Variants in NPSR1 observed in about 807,000 individuals in gnomAD.
NPSR1 encodes neuropeptide S receptor.
Under a neutral mutation model 46.9 loss-of-function variants are expected in NPSR1, and 48 were observed. The observed-to-expected ratio is 1.02, with a 90% CI of 0.81 to 1.30. The LOEUF is 1.30. Ranked by LOEUF, NPSR1 falls within the 50% of genes most tolerant of loss-of-function variation. The pLI, the probability that NPSR1 is intolerant of heterozygous loss-of-function variation, is 0.00. For synonymous variants in NPSR1, 176 were observed against 168.1 expected, an observed-to-expected ratio of 1.05 and a Z score of -0.36; for missense variants, 450 against 449.5, an observed-to-expected ratio of 1.00 and a Z score of -0.01.
chr7:34,823,332 C>T (rs987726296), intron 4 of NPSR1, among the ~76,000 whole-genome samples: 5 of 138,526 alleles, frequency 3.6e-5, no homozygotes, highest in East Asian at 2.4e-4. Context: ...GCGGAGGTTG[C>T]GGTGAGTGGA....
intron 2 of NPSR1, among the ~76,000 whole-genome samples, chr7:34,695,520 C>T (rs946585316): frequency 1.3e-5 from 2 of 151,582 alleles, no homozygotes; most frequent in Non-Finnish European, 2.9e-5. Context: ...AAATAGACAG[C>T]CTATTTGGAG....
downstream of NPSR1, among the ~76,000 whole-genome samples, chr7:34,851,235 T>A (rs1459152967): frequency 4.0e-5 from 6 of 151,550 alleles, no homozygotes; most frequent in African/African-American, 1.5e-4. Context: ...AATTGTTCAG[T>A]ATATTTTAAT....
At chr7:34,723,466 C>A (rs1783969504) in intron 2 of NPSR1, 1 of 152,196 alleles carries the variant, frequency 6.6e-6, no homozygotes, top group South Asian at 2.1e-4. Flanking sequence ...AGAATTTGAA[C>A]AAAGCATCCT....
Position 34,804,252 on chromosome 7 carries a change from A to C in NPSR1, c.385-7518A>C, listed in dbSNP as rs189239221. ...ATATCCCTCATGAACATAAATGCAA[A>C]AATTCTCAATAAATATTAGCAACTT... On this transcript the variant is annotated intron_variant, in intron 3 of 8. Transcript: ENST00000360581. Among the ~76,000 whole-genome samples the C allele has an allele frequency of 3.3e-5, 5 of 152,238 alleles. No individual in the cohort carries two copies. The East Asian group carries it at 9.6e-4, about 29-fold the overall frequency.
At chr7:34,808,800 G>A (rs1275319800) in intron 3 of NPSR1, among the ~76,000 whole-genome samples, 2 of 152,094 alleles carry the variant, frequency 1.3e-5, no homozygotes, top group East Asian at 3.9e-4. Context: ...TTGTTATAGT[G>A]TTTTCTGGCA....
chr7:34,760,047 T>A (rs180677414), intron 2 of NPSR1, among the ~76,000 whole-genome samples: 3 of 152,372 alleles, frequency 2.0e-5, no homozygotes, highest in Admixed American at 2.0e-4. Context: ...AGTGAGAATC[T>A]AATATATTAG....
chr7:34,720,591 G>A (rs1328730985), intron 2 of NPSR1, among the ~76,000 whole-genome samples: 1 of 152,084 alleles, frequency 6.6e-6, no homozygotes, highest in Non-Finnish European at 1.5e-5. Context: ...GTGATGTGTG[G>A]GGTTTGGTGT....
intron 2 of NPSR1, among the ~76,000 whole-genome samples, chr7:34,695,620 A>T (rs1160357889): frequency 6.6e-6 from 1 of 152,026 alleles, no homozygotes. Flanking sequence ...AGAACAAACA[A>T]CCCCATTAAA....
chr7:34,702,810 G>C (rs774192528), intron 2 of NPSR1, among the ~76,000 whole-genome samples: 23 of 152,174 alleles, frequency 1.5e-4, no homozygotes, highest in Non-Finnish European at 3.2e-4. Context: ...TCAAAGAAAG[G>C]CACTTTTGTG....
intron 2 of NPSR1, among the ~76,000 whole-genome samples, chr7:34,725,515 CAT>C (rs1784099113): frequency 6.6e-6 from 1 of 152,184 alleles, no homozygotes; most frequent in Admixed American, 6.5e-5. Flanking sequence ...AGGCAAGACT[CAT>C]ATATAAGTTA....
At chr7:34,761,444 T>C (rs1448725896) in intron 2 of NPSR1, among the ~76,000 whole-genome samples, 3 of 152,234 alleles carry the variant, frequency 2.0e-5, no homozygotes, top group African/African-American at 4.8e-5. Context: ...ACCTCACAGC[T>C]GGACAGCAAG....
At chr7:34,732,279 G>A (rs1462413612) in intron 2 of NPSR1, among the ~76,000 whole-genome samples, 4 of 152,112 alleles carry the variant, frequency 2.6e-5, no homozygotes, top group East Asian at 1.9e-4. Flanking sequence ...CTCTGATCTC[G>A]CACTCTGGGG....
intron 6 of NPSR1, among the ~76,000 whole-genome samples, chr7:34,837,955 T>C (rs1790430513): frequency 6.6e-6 from 1 of 152,190 alleles, no homozygotes; most frequent in South Asian, 2.1e-4. Context: ...CTTCCTGTAC[T>C]TTCAGACGAA....
intron 2 of NPSR1, among the ~76,000 whole-genome samples, chr7:34,733,801 T>C (rs1019105361): frequency 4.6e-5 from 7 of 152,248 alleles, no homozygotes; most frequent in Non-Finnish European, 7.3e-5. Flanking sequence ...TGGCCTTCTA[T>C]GGGATAAAAT....
chr7:34,733,009 G>T (rs1784499297), intron 2 of NPSR1, among the ~76,000 whole-genome samples: 2 of 152,244 alleles, frequency 1.3e-5, no homozygotes, highest in South Asian at 4.1e-4. Flanking sequence ...AAGGTGATTT[G>T]TGAAGCTGTT....
downstream of NPSR1, among the ~76,000 whole-genome samples, chr7:34,850,865 T>C (rs992893045): frequency 1.4e-4 from 22 of 152,208 alleles, no homozygotes; most frequent in African/African-American, 4.8e-4. Flanking sequence ...AATGTTTCTC[T>C]AAGATCTTTA....
At chr7:34,690,149 G>A (rs778741513) in intron 2 of NPSR1, among the ~76,000 whole-genome samples, 4 of 151,686 alleles carry the variant, frequency 2.6e-5, no homozygotes, top group Admixed American at 6.6e-5. Context: ...ACCAAGAAAC[G>A]CTTATACAGA....
intron 1 of NPSR1, among the ~76,000 whole-genome samples, chr7:34,677,541 CAT>C (rs577023606): frequency 5.6e-4 from 86 of 152,308 alleles, no homozygotes; most frequent in African/African-American, 2.0e-3. Context: ...AAAAGGCTTC[CAT>C]ATCAGAAGTA....
At chr7:34,798,982 T>A (rs1433887419) in intron 3 of NPSR1, among the ~76,000 whole-genome samples, 1 of 152,058 alleles carries the variant, frequency 6.6e-6, no homozygotes, top group Non-Finnish European at 1.5e-5. Context: ...TTTATAACAC[T>A]GAATGGATAT....
Sources: gnomAD v4.1 joint callset for allele counts (sites outside exome capture counted in the v4.1 genomes callset) on GRCh38, gnomAD v4.1.1 for gene constraint, MANE v1.5 for transcripts, NCBI Gene and HGNC (gene_info 2026-07-23, HGNC 2026-07-21) for gene names.